The following CAP2 variants were observed in gnomAD, a reference collection of about 807,000 sequenced individuals.
CAP2 encodes cyclase associated actin cytoskeleton regulatory protein 2.
A neutral mutation model predicts 57.7 loss-of-function variants in CAP2; 24 were observed. The ratio of observed to expected loss-of-function variants is 0.42; its 90% CI spans 0.30 to 0.58. CAP2 has a LOEUF of 0.58. Among genes scored for constraint, CAP2 ranks in the 20% least tolerant of loss-of-function variants. CAP2 has a pLI of 0.22. For synonymous variants in CAP2, 194 were observed against 207.2 expected (o/e 0.94, Z 0.55); for missense variants, 501 against 590.3 (o/e 0.85, Z 1.57).
intron 1 of CAP2, among the ~76,000 whole-genome samples, chr6:17,397,390 G>A (rs1027202782): frequency 2.0e-5 from 3 of 151,718 alleles, no homozygotes; most frequent in Middle Eastern, 3.2e-3. Context: ...TCAACATTAG[G>A]TCATTAAGAA....
At chr6:17,429,632 C>T (rs73721534) in intron 3 of CAP2, among the ~76,000 whole-genome samples, 1,564 of 152,000 alleles carry the variant, frequency 0.01, 29 homozygotes, top group African/African-American at 0.036. Context: ...ATATTCTCAG[C>T]AATGAATATG....
At chr6:17,464,652 C>T (rs2113600220) in intron 4 of CAP2, among the ~76,000 whole-genome samples, 1 of 152,248 alleles carries the variant, frequency 6.6e-6, no homozygotes, top group Middle Eastern at 3.4e-3. Flanking sequence ...GAGCTGTCAG[C>T]CCCCACCCAA....
intron 12 of CAP2, among the ~76,000 whole-genome samples, chr6:17,554,673 T>G (rs1043333778): frequency 6.6e-6 from 1 of 152,218 alleles, no homozygotes; most frequent in African/African-American, 2.4e-5. Context: ...CTCATGATCA[T>G]GGGCATCAGC....
intron 7 of CAP2, among the ~76,000 whole-genome samples, chr6:17,517,806 C>T (rs1284481190): frequency 1.3e-5 from 2 of 152,048 alleles, no homozygotes; most frequent in African/African-American, 4.8e-5. Context: ...GAGGCTGAGG[C>T]AAGAGAATCG....
At chr6:17,423,456 A>G (rs1173600439) in intron 2 of CAP2, among the ~76,000 whole-genome samples, 1 of 152,216 alleles carries the variant, frequency 6.6e-6, no homozygotes, top group Non-Finnish European at 1.5e-5. Context: ...CCTTATTTGT[A>G]AGAAAATATT....
At chr6:17,484,865 G>C (rs1220936308) in intron 4 of CAP2, among the ~76,000 whole-genome samples, 5 of 152,240 alleles carry the variant, frequency 3.3e-5, no homozygotes, top group African/African-American at 1.2e-4. Flanking sequence ...CATTGTCTCA[G>C]GATCCTCGTC....
intron 3 of CAP2, among the ~76,000 whole-genome samples, chr6:17,447,366 C>T (rs1286562865): frequency 6.6e-6 from 1 of 152,016 alleles, no homozygotes; most frequent in Admixed American, 6.6e-5. Flanking sequence ...CTTTTCTTGC[C>T]TTATTTTCGT....
intron 6 of CAP2, among the ~76,000 whole-genome samples, chr6:17,512,121 G>A (rs1762170409): frequency 6.6e-6 from 1 of 152,104 alleles, no homozygotes; most frequent in African/African-American, 2.4e-5. Flanking sequence ...CAGACATGGT[G>A]GCTCATGCCT....
At chr6:17,542,789 C>T (rs752256619) in intron 9 of CAP2, 48 bp from the exon 10 acceptor site, 1 of 1,488,752 alleles carries the variant, frequency 6.7e-7, no homozygotes, top group South Asian at 1.2e-5. Flanking sequence ...GCAGTGGTTT[C>T]TGTTTATATA....
intron 11 of CAP2, among the ~76,000 whole-genome samples, chr6:17,544,571 G>A (rs193241357): frequency 4.8e-4 from 71 of 149,076 alleles, no homozygotes; most frequent in African/African-American, 1.7e-3. Context: ...ACAGAGTCTC[G>A]CTCTGTGGCC....
chr6:17,433,273 G>C (rs549801798), intron 3 of CAP2, among the ~76,000 whole-genome samples: 63 of 152,306 alleles, frequency 4.1e-4, no homozygotes, highest in Non-Finnish European at 1.5e-5. Context: ...GAACACCGAA[G>C]ATAAAACATC....
intron 4 of CAP2, among the ~76,000 whole-genome samples, chr6:17,475,445 G>A (rs1341692488): frequency 1.3e-5 from 2 of 152,170 alleles, no homozygotes; most frequent in Non-Finnish European, 2.9e-5. Flanking sequence ...AAGAACAAGC[G>A]AGATAGTGTT....
chr6:17,544,990 A>T (rs1272336767), intron 11 of CAP2, among the ~76,000 whole-genome samples: 1 of 152,370 alleles, frequency 6.6e-6, no homozygotes, highest in African/African-American at 2.4e-5. Flanking sequence ...ATCATGGTTC[A>T]TAGAAACCTA....
At chr6:17,446,196 C>G (rs60081926) in intron 3 of CAP2, among the ~76,000 whole-genome samples, 5,339 of 152,070 alleles carry the variant, frequency 0.035, 341 homozygotes, top group African/African-American at 0.12. Flanking sequence ...TTTTACCATG[C>G]TTTTAGTTAA....
intron 3 of CAP2, among the ~76,000 whole-genome samples, chr6:17,427,559 G>A (rs936689962): frequency 2.0e-5 from 3 of 151,728 alleles, no homozygotes; most frequent in Non-Finnish European, 4.4e-5. Flanking sequence ...CACTGTTGAT[G>A]GGAATGTAAA....
At chr6:17,555,377 A>T (rs1351967269) in intron 12 of CAP2, among the ~76,000 whole-genome samples, 1 of 150,730 alleles carries the variant, frequency 6.6e-6, no homozygotes, top group Non-Finnish European at 1.5e-5. Flanking sequence ...TATTTTTAGT[A>T]GACACGGGGT....
intron 7 of CAP2, among the ~76,000 whole-genome samples, chr6:17,520,942 C>G (rs74880425): frequency 4.1e-4 from 62 of 152,350 alleles, no homozygotes; most frequent in African/African-American, 1.4e-3. Context: ...TGTCTGATGA[C>G]AAAGCTCACT....
In CAP2 at chr6:17,395,239, A is replaced by G. The variant is rs78350842; in HGVS notation, c.-2+1493A>G. ...CTTTGAGTTAAGAGCTAGATAGTAA[A>G]CATGTAGGTTTTGCAGGCCATATGG... is the stretch of plus-strand genomic sequence containing the variant. On this transcript the variant is annotated intron_variant, in intron 1 of 12. Transcript: ENST00000229922. Among the ~76,000 whole-genome samples, 1,096 of 152,252 alleles carry G rather than the reference A, an allele frequency of 7.2e-3. 11 individuals carry two copies. The highest frequency in any genetic ancestry group is 0.023 in the African/African-American group (976 of 41,542).
At chr6:17,527,869 C>G (rs976788989) in intron 7 of CAP2, among the ~76,000 whole-genome samples, 2 of 152,154 alleles carry the variant, frequency 1.3e-5, no homozygotes, top group Non-Finnish European at 2.9e-5. Context: ...TCCCAAAGTG[C>G]TAGGATTACA....
Sources: allele counts gnomAD v4.1 joint callset (sites outside exome capture counted in the v4.1 genomes callset), GRCh38; gene constraint gnomAD v4.1.1; transcripts MANE v1.5; gene names NCBI Gene and HGNC (gene_info 2026-07-23, HGNC 2026-07-21).